The following EBF1 variants were observed in gnomAD, a reference collection of about 807,000 sequenced individuals.
EBF1 encodes the protein transcription factor COE1.
EBF1 carries 10 observed loss-of-function variants against 68.4 expected under a neutral mutation model. That is an observed-to-expected ratio of 0.15 (90% CI 0.09 to 0.25). The LOEUF (loss-of-function observed/expected upper bound fraction) is 0.25. Ranked by LOEUF, EBF1 falls within the 10% of genes least tolerant of loss-of-function variation. The pLI, the probability that EBF1 is intolerant of heterozygous loss-of-function variation, is 1.00. For synonymous variants in EBF1, 298 were observed against 299.8 expected (o/e 0.99, Z 0.06); for missense variants, 509 against 794.4 (o/e 0.64, Z 4.32).
chr5:158,906,703 C>T (rs1804721558), intron 6 of EBF1, among the ~76,000 whole-genome samples: 2 of 152,196 alleles, frequency 1.3e-5, no homozygotes, highest in South Asian at 4.1e-4. Flanking sequence ...ACTTGCCCAA[C>T]CTCACAGAGC....
At position 158,726,572 on chromosome 5, in the gene EBF1, C is replaced by T. The variant is rs561985772; in HGVS notation, c.1125+4497G>A. ...CTCCATAAAGCAAAATACACAAATG[C>T]AGCCTTTGTTACTTTTCCCAAACTG... On this transcript the variant is annotated intron_variant, in intron 11 of 15. Transcript: ENST00000313708. Among the ~76,000 whole-genome samples the T allele has an allele frequency of 5.3e-5, 8 of 152,330 alleles. No homozygotes were observed. The South Asian group carries it at 1.5e-3, about 28-fold the overall frequency.
At chr5:159,038,654 T>C (rs1433322389) in intron 6 of EBF1, among the ~76,000 whole-genome samples, 1 of 152,170 alleles carries the variant, frequency 6.6e-6, no homozygotes, top group African/African-American at 2.4e-5. Flanking sequence ...TCCTAAGCCA[T>C]TCCTTGGTGT....
At chr5:158,803,812 G>A (rs1478746538) in intron 8 of EBF1, among the ~76,000 whole-genome samples, 2 of 151,626 alleles carry the variant, frequency 1.3e-5, no homozygotes, top group South Asian at 2.1e-4. Flanking sequence ...GCATTATGCA[G>A]TTAAGCATTT....
chr5:159,045,403 G>C (rs1772152104), intron 6 of EBF1, among the ~76,000 whole-genome samples: 1 of 147,432 alleles, frequency 6.8e-6, no homozygotes, highest in African/African-American at 2.5e-5. Context: ...GACTCAAAAT[G>C]AATTTTTTTT....
intron 6 of EBF1, among the ~76,000 whole-genome samples, chr5:158,879,608 C>T (rs980967779): frequency 2.6e-5 from 4 of 151,968 alleles, no homozygotes; most frequent in South Asian, 2.1e-4. Flanking sequence ...TGAATAGTGC[C>T]GCAATAAACA....
chr5:158,731,279 A>C (rs1354789551), intron 10 of EBF1, 122 bp from the exon 11 acceptor site: 1 of 909,964 alleles, frequency 1.1e-6, no homozygotes, highest in Non-Finnish European at 1.7e-6. Context: ...TTTGAATTGG[A>C]TCACAAGATG....
At chr5:158,871,766 T>G (rs1275235794) in intron 6 of EBF1, among the ~76,000 whole-genome samples, 1 of 152,214 alleles carries the variant, frequency 6.6e-6, no homozygotes, top group East Asian at 1.9e-4. Flanking sequence ...GACGCACAGT[T>G]CATTCATTGC....
At chr5:158,788,863 C>T (rs1777985508) in intron 9 of EBF1, among the ~76,000 whole-genome samples, 1 of 151,992 alleles carries the variant, frequency 6.6e-6, no homozygotes, top group East Asian at 1.9e-4. Context: ...TAATTATCAA[C>T]ATAGAAAATA....
intron 6 of EBF1, among the ~76,000 whole-genome samples, chr5:158,989,271 T>C (rs1330327246): frequency 6.6e-6 from 1 of 152,172 alleles, no homozygotes; most frequent in Non-Finnish European, 1.5e-5. Context: ...AGCCTCCTCT[T>C]CAATCCCCAG....
intron 6 of EBF1, among the ~76,000 whole-genome samples, chr5:158,938,901 G>A (rs1194901262): frequency 3.3e-5 from 5 of 151,906 alleles, no homozygotes; most frequent in Non-Finnish European, 5.9e-5. Flanking sequence ...CTTTTTTTAG[G>A]ACCTACCCTT....
chr5:158,731,821 G>C (rs894453255), intron 10 of EBF1, among the ~76,000 whole-genome samples: 4 of 152,200 alleles, frequency 2.6e-5, no homozygotes, highest in Non-Finnish European at 1.5e-5. Context: ...TACTAGCTTA[G>C]AGCAGCCGAG....
At chr5:159,060,426 G>T (rs1463133185) in intron 6 of EBF1, among the ~76,000 whole-genome samples, 1 of 152,116 alleles carries the variant, frequency 6.6e-6, no homozygotes, top group African/African-American at 2.4e-5. Context: ...TCTATGTAAA[G>T]TTGCTATTTT....
chr5:158,890,703 G>A lies in EBF1; in HGVS notation c.555-50593C>T, dbSNP rs1287371023. ...GAAGCCCCCGCCACCCTGCTGCTAA[G>A]CCTGGTATCAAATATACAAGAGTTT... On this transcript the variant is annotated intron_variant, in intron 6 of 15. Coordinates refer to ENST00000313708, the MANE Select transcript of EBF1 (RefSeq NM_024007.5). 2.0e-5 allele frequency among the ~76,000 whole-genome samples: 3 copies of A among 152,194 alleles called. 1 individual carries two copies. Among genetic ancestry groups the A allele is most frequent in the South Asian group, 2.1e-4 (1 of 4,828 alleles).
At chr5:158,946,802 A>C (rs901366618) in intron 6 of EBF1, among the ~76,000 whole-genome samples, 6 of 152,198 alleles carry the variant, frequency 3.9e-5, no homozygotes, top group Non-Finnish European at 2.9e-5. Flanking sequence ...CCCTTCACCA[A>C]GGTGCTCTGT....
chr5:159,003,014 G>A (rs1419968479), intron 6 of EBF1, among the ~76,000 whole-genome samples: 1 of 152,166 alleles, frequency 6.6e-6, no homozygotes, highest in Non-Finnish European at 1.5e-5. Context: ...GCAAGTTTGG[G>A]ATGCTTCTAC....
intron 6 of EBF1, among the ~76,000 whole-genome samples, chr5:158,998,348 G>T (rs954575355): frequency 6.6e-6 from 1 of 151,942 alleles, no homozygotes; most frequent in Non-Finnish European, 1.5e-5. Flanking sequence ...CCCCTACTCC[G>T]CAAGCTCTAG....
At chr5:158,977,775 G>A (rs1488622512) in intron 6 of EBF1, among the ~76,000 whole-genome samples, 2 of 152,298 alleles carry the variant, frequency 1.3e-5, no homozygotes, top group Admixed American at 1.3e-4. Flanking sequence ...CTCCCAGTGG[G>A]CTGCCTGGGA....
intron 6 of EBF1, among the ~76,000 whole-genome samples, chr5:158,858,805 G>A (rs1359791673): frequency 6.6e-6 from 1 of 152,162 alleles, no homozygotes; most frequent in Non-Finnish European, 1.5e-5. Flanking sequence ...AGGAAGAGGG[G>A]CTTGGCTTGA....
chr5:159,065,484 G>GA (rs1169514481), intron 6 of EBF1, among the ~76,000 whole-genome samples: 1 of 152,020 alleles, frequency 6.6e-6, no homozygotes, highest in African/African-American at 2.4e-5. Flanking sequence ...AAAAAGAAAA[G>GA]AAAAAAAGTT....
Sources: gnomAD v4.1 joint callset for allele counts (sites outside exome capture counted in the v4.1 genomes callset) on GRCh38, gnomAD v4.1.1 for gene constraint, MANE v1.5 for transcripts, NCBI Gene and HGNC (gene_info 2026-07-23, HGNC 2026-07-21) for gene names.